Variants in HAPSTR1 observed in about 807,000 individuals in gnomAD.
HAPSTR1 encodes the protein HUWE1 associated protein modifying stress responses.
the HAPSTR1 span, chr16:9,109,454 T>C: frequency 2.0e-5 from 3 of 152,234 alleles, no homozygotes; most frequent in Non-Finnish European, 4.4e-5. Flanking sequence ...CTGACCCTGA[T>C]TCAGACTGTT....
At chr16:9,099,252 C>T in the HAPSTR1 span, among the ~76,000 whole-genome samples, 4 of 147,170 alleles carry the variant, frequency 2.7e-5, no homozygotes, top group Non-Finnish European at 6.1e-5. Context: ...GCCTGGAGTG[C>T]CATGGTGCAA....
chr16:9,094,251 G>A, the HAPSTR1 span, among the ~76,000 whole-genome samples: 1 of 152,080 alleles, frequency 6.6e-6, no homozygotes, highest in Non-Finnish European at 1.5e-5. Context: ...ACTGAAAAAA[G>A]GGAAACATGG....
chr16:9,114,857 T>C, the HAPSTR1 span, among the ~76,000 whole-genome samples: 1 of 152,206 alleles, frequency 6.6e-6, no homozygotes, highest in Admixed American at 6.5e-5. Context: ...ATTATAGGTG[T>C]CATAGGAAGT....
the HAPSTR1 span, chr16:9,093,043 G>GC: frequency 6.4e-7 from 1 of 1,552,686 alleles, no homozygotes; most frequent in Non-Finnish European, 8.8e-7. Context: ...GGGAAGGGCC[G>GC]CCTGCGTCAG....
the HAPSTR1 span, chr16:9,105,809 G>T: frequency 4.6e-5 from 7 of 152,210 alleles, no homozygotes; most frequent in African/African-American, 1.2e-4. Flanking sequence ...CATGGGAAAA[G>T]AATCTGGTAT....
chr16:9,116,520 A>G, the HAPSTR1 span: 1 of 1,018,142 alleles, frequency 9.8e-7, no homozygotes, highest in Non-Finnish European at 1.4e-6. Flanking sequence ...ATGTTTATCC[A>G]GAATAAAACT....
At chr16:9,118,080 AAT>A in the HAPSTR1 span, 1 of 152,634 alleles carries the variant, frequency 6.6e-6, no homozygotes, top group Non-Finnish European at 1.5e-5. Context: ...CTTTTGAGTA[AAT>A]ATAAGACCTC....
the HAPSTR1 span, among the ~76,000 whole-genome samples, chr16:9,097,936 C>G: frequency 1.3e-5 from 2 of 152,194 alleles, no homozygotes; most frequent in African/African-American, 4.8e-5. Context: ...GAGGGAGCTT[C>G]TCTCGAAACA....
chr16:9,113,704 G>A, the HAPSTR1 span, among the ~76,000 whole-genome samples: 8 of 152,296 alleles, frequency 5.3e-5, no homozygotes, highest in East Asian at 1.9e-4. Context: ...AAACAAGTAC[G>A]AAAGGTTATC....
chr16:9,107,045 G>C, the HAPSTR1 span: 1 of 152,160 alleles, frequency 6.6e-6, no homozygotes, highest in Non-Finnish European at 1.5e-5. Context: ...CCTAGATTAC[G>C]TTTCCCATGT....
At chr16:9,112,826 C>G in the HAPSTR1 span, 5 of 152,266 alleles carry the variant, frequency 3.3e-5, no homozygotes, top group African/African-American at 1.2e-4. Flanking sequence ...CTGGACTAAT[C>G]ATTTAAAATG....
At chr16:9,102,693 T>C in the HAPSTR1 span, among the ~76,000 whole-genome samples, 1 of 152,248 alleles carries the variant, frequency 6.6e-6, no homozygotes, top group Non-Finnish European at 1.5e-5. Flanking sequence ...GCAAGTTATT[T>C]TAGGTAATTT....
At chr16:9,117,882 A>G in the HAPSTR1 span, 2,534 of 152,736 alleles carry the variant, frequency 0.017, 35 homozygotes, top group Non-Finnish European at 0.027. Flanking sequence ...GTGGAAGATG[A>G]TAAAGCTCTC....
chr16:9,093,228 G>C, the HAPSTR1 span, among the ~76,000 whole-genome samples: 1 of 152,096 alleles, frequency 6.6e-6, no homozygotes, highest in Non-Finnish European at 1.5e-5. Flanking sequence ...TTTTTGGTTG[G>C]CTTCTCCTAG....
the HAPSTR1 span, chr16:9,109,458 G>C: frequency 6.6e-6 from 1 of 152,186 alleles, no homozygotes; most frequent in Non-Finnish European, 1.5e-5. Context: ...CCCTGATTCA[G>C]ACTGTTCCAT....
At chr16:9,110,643 C>T in the HAPSTR1 span, 2 of 152,320 alleles carry the variant, frequency 1.3e-5, no homozygotes, top group South Asian at 2.1e-4. Flanking sequence ...TGTCTCGCCC[C>T]TTTGGTGTCA....
At chr16:9,094,124 G>C in the HAPSTR1 span, among the ~76,000 whole-genome samples, 1 of 152,132 alleles carries the variant, frequency 6.6e-6, no homozygotes, top group Non-Finnish European at 1.5e-5. Flanking sequence ...CTCCTTGTGA[G>C]ATTTCTTGAG....
At chr16:9,113,896 T>C in the HAPSTR1 span, among the ~76,000 whole-genome samples, 102,792 of 152,076 alleles carry the variant, frequency 0.68, 36,219 homozygotes, top group African/African-American at 0.89. Flanking sequence ...GGGTTTATTT[T>C]CTGGTGTTGG....
At chr16:9,118,807 C>G in the HAPSTR1 span, 1 of 152,630 alleles carries the variant, frequency 6.6e-6, no homozygotes, top group Non-Finnish European at 1.5e-5. Context: ...GGCCAGAACT[C>G]CTATTCCTAA....
Sources: gnomAD v4.1 joint callset for allele counts (sites outside exome capture counted in the v4.1 genomes callset) on GRCh38, gnomAD v4.1.1 for gene constraint, MANE v1.5 for transcripts, NCBI Gene and HGNC (gene_info 2026-07-23, HGNC 2026-07-21) for gene names.